The following VEPH1 variants were observed in gnomAD, a reference collection of about 807,000 sequenced individuals.
The protein encoded by VEPH1 is ventricular zone-expressed PH domain-containing protein homolog 1.
A neutral mutation model predicts 85.2 loss-of-function variants in VEPH1; 80 were observed. The ratio of observed to expected loss-of-function variants is 0.94; its 90% confidence interval spans 0.78 to 1.13. The LOEUF (loss-of-function observed/expected upper bound fraction) is 1.13. Ranked by LOEUF, VEPH1 falls within the 50% of genes most tolerant of loss-of-function variation. The pLI is 0.00. For missense variants in VEPH1, 955 were observed against 980.5 expected, an observed-to-expected ratio of 0.97 and a Z score of 0.35; for synonymous variants, 297 against 348.0, an observed-to-expected ratio of 0.85 and a Z score of 1.63.
intron 12 of VEPH1, among the ~76,000 whole-genome samples, chr3:157,279,746 G>C (rs1292223349): frequency 2.0e-5 from 3 of 152,046 alleles, no homozygotes; most frequent in Admixed American, 6.6e-5. Context: ...AGTTGGGCCT[G>C]GTGGCTCACG....
chr3:157,357,132 G>T (rs533082517), intron 9 of VEPH1, among the ~76,000 whole-genome samples: 7 of 152,082 alleles, frequency 4.6e-5, no homozygotes, highest in Non-Finnish European at 1.0e-4. Flanking sequence ...TTTTAATGTG[G>T]TGACTTTTAG....
At chr3:157,435,064 A>T (rs1490574327) in intron 4 of VEPH1, among the ~76,000 whole-genome samples, 2 of 151,534 alleles carry the variant, frequency 1.3e-5, no homozygotes, top group African/African-American at 4.9e-5. Context: ...TAAAATTTTC[A>T]ATTAACTTTT....
chr3:157,367,369 C>A (rs988690397), intron 7 of VEPH1, among the ~76,000 whole-genome samples: 2 of 152,150 alleles, frequency 1.3e-5, no homozygotes, highest in African/African-American at 2.4e-5. Flanking sequence ...CAAGATAATG[C>A]TATCTCTAGA....
At position 157,261,320 on chromosome 3, in the gene VEPH1, C is replaced by T; in HGVS notation, c.2316G>A (p.Val772=). The part of the protein sequence containing the change: ...CPIELSKVQS[V]KAVAKKRRDR... ...CCCTGCGTTTCTTGGCCACAGCCTTCACACTCTGTACTTTGCTGAGTTCTA... is the reference window on the plus strand; with the variant it reads ...CCCTGCGTTTCTTGGCCACAGCCTTTACACTCTGTACTTTGCTGAGTTCTA... The change falls in exon 14 of 14, where the codon GTG becomes GTA. Residue 772 remains valine, a synonymous_variant. Transcript: ENST00000362010. The T allele has an allele frequency of 1.2e-6, 2 of 1,613,702 alleles. No individual in the cohort carries two copies. Among genetic ancestry groups the T allele is most frequent in the Non-Finnish European group, 1.7e-6 (2 of 1,179,748 alleles).
Position 157,437,442 on chromosome 3 carries a change from G to A in VEPH1, c.530-8954C>T. On this transcript the variant is annotated intron_variant, in intron 4 of 13. Transcript: ENST00000362010. The stretch of plus-strand genomic sequence containing the variant: ...CTGCAACTTGGCACCACCGAGGGAG[G>A]TCAGCTTTTACAAAGCACATCCAAG... 2.6e-6 allele frequency: 4 copies of A among 1,541,070 alleles called. No homozygotes were observed. In the South Asian group the frequency reaches 3.6e-5, roughly 14 times the overall value.
At chr3:157,332,496 G>A (rs1252040302) in intron 9 of VEPH1, among the ~76,000 whole-genome samples, 1 of 152,140 alleles carries the variant, frequency 6.6e-6, no homozygotes, top group African/African-American at 2.4e-5. Flanking sequence ...TATAATGAGT[G>A]GCCTTCTGTG....
intron 11 of VEPH1, among the ~76,000 whole-genome samples, chr3:157,288,477 T>C (rs1717060511): frequency 6.6e-6 from 1 of 151,200 alleles, no homozygotes; most frequent in Admixed American, 6.7e-5. Flanking sequence ...TGTCCAACTA[T>C]CAGTTCACTG....
intron 2 of VEPH1, among the ~76,000 whole-genome samples, chr3:157,491,281 G>A (rs1297941297): frequency 2.0e-5 from 3 of 152,094 alleles, no homozygotes; most frequent in East Asian, 1.9e-4. Flanking sequence ...ACTGGAAGGC[G>A]GGTGGATCGG....
At position 157,453,420 on chromosome 3, in the gene VEPH1, C is replaced by A. The variant is rs79842232; in HGVS notation, c.529+6761G>T. On this transcript the variant is annotated intron_variant, in intron 4 of 13. Coordinates refer to ENST00000362010, the MANE Select transcript of VEPH1 (RefSeq NM_001167912.2). ...AATAGGACTTCTTTTATGAGGTTCT[C>A]GTGGGCATTGAATGATATAATCGGT... Among the ~76,000 whole-genome samples the A allele has an allele frequency of 7.5e-3, 1,146 of 152,216 alleles. 22 individuals are homozygous for A. Among genetic ancestry groups the A allele is most frequent in the East Asian group, 0.068 (350 of 5,178 alleles).
intron 2 of VEPH1, among the ~76,000 whole-genome samples, chr3:157,473,558 A>C (rs1737177398): frequency 6.6e-6 from 1 of 152,200 alleles, no homozygotes; most frequent in African/African-American, 2.4e-5. Context: ...TTCACATAAA[A>C]GTGATTAGAA....
intron 4 of VEPH1, among the ~76,000 whole-genome samples, chr3:157,438,088 C>A (rs1227447943): frequency 6.6e-6 from 1 of 150,950 alleles, no homozygotes; most frequent in Non-Finnish European, 1.5e-5. Context: ...TTTCTGCATG[C>A]GCGGTCACAG....
intron 2 of VEPH1, among the ~76,000 whole-genome samples, chr3:157,480,181 T>G (rs1174820290): frequency 6.6e-6 from 1 of 152,008 alleles, no homozygotes; most frequent in African/African-American, 2.4e-5. Context: ...TATATTATAT[T>G]CCTTATCTCT....
chr3:157,456,301 C>T (rs1478996641), intron 4 of VEPH1, among the ~76,000 whole-genome samples: 1 of 151,942 alleles, frequency 6.6e-6, no homozygotes, highest in East Asian at 1.9e-4. Flanking sequence ...TTCCTTTCAT[C>T]CTCTAGATTG....
chr3:157,442,703 G>A (rs146001185), intron 4 of VEPH1: 42 of 1,614,060 alleles, frequency 2.6e-5, no homozygotes, highest in African/African-American at 2.3e-4. Flanking sequence ...GTGAACTGGC[G>A]GCTACCACTG....
At chr3:157,428,961 T>C (rs1387823340) in intron 4 of VEPH1, among the ~76,000 whole-genome samples, 1 of 152,202 alleles carries the variant, frequency 6.6e-6, no homozygotes, top group African/African-American at 2.4e-5. Flanking sequence ...ACAACTCACA[T>C]ACAGAAACTA....
At chr3:157,424,427 CGT>C (rs1560050772) in intron 5 of VEPH1, among the ~76,000 whole-genome samples, 6 of 152,100 alleles carry the variant, frequency 3.9e-5, no homozygotes, top group Non-Finnish European at 7.3e-5. Context: ...AAACTGTGGA[CGT>C]GACTTTGGAA....
intron 2 of VEPH1, among the ~76,000 whole-genome samples, chr3:157,477,391 C>G (rs181517059): frequency 1.3e-5 from 2 of 152,090 alleles, no homozygotes; most frequent in Non-Finnish European, 2.9e-5. Flanking sequence ...AAGATGATCT[C>G]CCAATCTCAA....
intron 12 of VEPH1, among the ~76,000 whole-genome samples, chr3:157,284,261 A>T (rs573903810): frequency 6.6e-6 from 1 of 152,216 alleles, no homozygotes; most frequent in African/African-American, 2.4e-5. Context: ...CTAAAAACAT[A>T]AAAGAAGTAT....
intron 6 of VEPH1, among the ~76,000 whole-genome samples, chr3:157,397,683 T>C (rs1282483088): frequency 6.6e-6 from 1 of 152,202 alleles, no homozygotes; most frequent in Non-Finnish European, 1.5e-5. Flanking sequence ...TTTGTAGCAA[T>C]TGTGAATGGG....
Sources: allele counts gnomAD v4.1 joint callset (sites outside exome capture counted in the v4.1 genomes callset), GRCh38; gene constraint gnomAD v4.1.1; transcripts MANE v1.5; gene names NCBI Gene and HGNC (gene_info 2026-07-23, HGNC 2026-07-21).